The following OSBP2 variants were observed in gnomAD, a reference collection of about 807,000 sequenced individuals.
The protein encoded by OSBP2 is oxysterol-binding protein 2.
A neutral mutation model predicts 96.0 loss-of-function variants in OSBP2; 66 were observed. That is an observed-to-expected ratio of 0.69 (90% confidence interval 0.56 to 0.84). The LOEUF is 0.84. Among genes scored for constraint, OSBP2 ranks in the 40% least tolerant of loss-of-function variants. The pLI is 0.00. For synonymous variants in OSBP2, 525 were observed against 520.9 expected (o/e 1.01, Z -0.11); for missense variants, 1,038 against 1,222.7 (o/e 0.85, Z 2.25).
chr22:30,876,135 C>T (rs772998547), intron 3 of OSBP2, among the ~76,000 whole-genome samples: 1 of 152,250 alleles, frequency 6.6e-6, no homozygotes, highest in Non-Finnish European at 1.5e-5. Context: ...GCCGAGGCAG[C>T]AGACACAGAA....
At chr22:30,825,377 A>G (rs1199829402) in intron 2 of OSBP2, among the ~76,000 whole-genome samples, 2 of 152,156 alleles carry the variant, frequency 1.3e-5, no homozygotes, top group African/African-American at 2.4e-5. Context: ...AATCCCAGCT[A>G]CTCAGGAGGC....
intron 2 of OSBP2, chr22:30,764,108 C>T (rs1271906819): frequency 9.8e-6 from 3 of 306,988 alleles, no homozygotes; most frequent in Non-Finnish European, 1.4e-5. Context: ...TGGGCCTTCA[C>T]TTCTGGGGGG....
chr22:30,769,850 T>C (rs1443128691), intron 2 of OSBP2, among the ~76,000 whole-genome samples: 1 of 152,046 alleles, frequency 6.6e-6, no homozygotes, highest in Non-Finnish European at 1.5e-5. Flanking sequence ...TATACCTCCA[T>C]AGACAGTGAT....
intron 2 of OSBP2, among the ~76,000 whole-genome samples, chr22:30,841,267 A>G (rs574353398): frequency 6.6e-6 from 1 of 152,212 alleles, no homozygotes; most frequent in Non-Finnish European, 1.5e-5. Flanking sequence ...TCAATTTTAG[A>G]ACATTTTTAT....
intron 6 of OSBP2, 71 bp downstream of exon 6, chr22:30,889,305 C>G: frequency 6.7e-7 from 1 of 1,500,348 alleles, no homozygotes; most frequent in Non-Finnish European, 9.2e-7. Context: ...GACAGGCCAG[C>G]ACCAAGAACT....
intron 2 of OSBP2, chr22:30,822,418 C>A: frequency 2.1e-6 from 2 of 947,424 alleles, no homozygotes; most frequent in South Asian, 3.7e-5. Flanking sequence ...GCCGCTCAGG[C>A]TGGGCTCGGC....
chr22:30,696,072 G>A (rs184820194), intron 1 of OSBP2, among the ~76,000 whole-genome samples: 1 of 152,286 alleles, frequency 6.6e-6, no homozygotes, highest in Admixed American at 6.5e-5. Flanking sequence ...GGGCACCACA[G>A]ACTCACAGAT....
chr22:30,786,856 T>C (rs555434304), intron 2 of OSBP2, among the ~76,000 whole-genome samples: 2 of 152,260 alleles, frequency 1.3e-5, no homozygotes, highest in East Asian at 3.9e-4. Context: ...TGGAGTGCAA[T>C]GGTGCAATCT....
intron 2 of OSBP2, among the ~76,000 whole-genome samples, chr22:30,827,810 A>G (rs975056296): frequency 5.9e-5 from 9 of 152,196 alleles, no homozygotes; most frequent in African/African-American, 2.2e-4. Flanking sequence ...GAAAGTGGGA[A>G]GCCCGTGGCC....
At chr22:30,834,258 A>G (rs2038587928) in intron 2 of OSBP2, among the ~76,000 whole-genome samples, 1 of 152,154 alleles carries the variant, frequency 6.6e-6, no homozygotes, top group South Asian at 2.1e-4. Flanking sequence ...CATTTGGGTT[A>G]TTTCTACTTT....
intron 2 of OSBP2, among the ~76,000 whole-genome samples, chr22:30,825,928 G>C (rs1271490255): frequency 6.6e-6 from 1 of 152,138 alleles, no homozygotes; most frequent in Admixed American, 6.5e-5. Flanking sequence ...AACAGGAGGG[G>C]ATCAGGGTGA....
At chr22:30,836,918 A>C (rs1444492824) in intron 2 of OSBP2, among the ~76,000 whole-genome samples, 1 of 152,122 alleles carries the variant, frequency 6.6e-6, no homozygotes, top group Non-Finnish European at 1.5e-5. Flanking sequence ...TTCTCCGTCA[A>C]CTCTTGTTAA....
intron 2 of OSBP2, among the ~76,000 whole-genome samples, chr22:30,867,890 TC>T (rs771361440): frequency 2.8e-4 from 43 of 152,330 alleles, no homozygotes; most frequent in Non-Finnish European, 4.6e-4. Flanking sequence ...CTCAAGGCCC[TC>T]CCCGTGTTGA....
intron 2 of OSBP2, among the ~76,000 whole-genome samples, chr22:30,859,025 G>GC (rs1386728642): frequency 6.6e-6 from 1 of 151,998 alleles, no homozygotes; most frequent in Non-Finnish European, 1.5e-5. Context: ...GGCAGATGCA[G>GC]CCCCTACCCC....
rs545613868 is a variant in OSBP2 at position 30,760,007 on chromosome 22, A to G, written c.853+18638A>G. Among the ~76,000 whole-genome samples, 10 of 152,016 alleles carry G rather than the reference A, an allele frequency of 6.6e-5. No individual in the cohort carries two copies. The South Asian group carries it at 2.1e-3, about 32-fold the overall frequency. Reference sequence around the variant, plus strand: ...CTCCTTAGTAGCTGGGATTACAGGCATGTGCCACCACGCCCAGCTAATTTT... The same window carrying G: ...CTCCTTAGTAGCTGGGATTACAGGCGTGTGCCACCACGCCCAGCTAATTTT... On this transcript the variant is annotated intron_variant, in intron 2 of 13. Coordinates refer to ENST00000332585, the MANE Select transcript of OSBP2 (RefSeq NM_030758.4).
At chr22:30,892,022 C>T (rs1214815096) in intron 8 of OSBP2, among the ~76,000 whole-genome samples, 3 of 152,060 alleles carry the variant, frequency 2.0e-5, no homozygotes, top group Admixed American at 6.5e-5. Context: ...AGCTGGAGGG[C>T]GGTGCACCCC....
chr22:30,840,217 AAAAAG>A (rs922930025), intron 2 of OSBP2, among the ~76,000 whole-genome samples: 14 of 151,990 alleles, frequency 9.2e-5, no homozygotes, highest in Admixed American at 6.5e-5. Flanking sequence ...AATAAAAAAA[AAAAAG>A]AAAGAAACTT....
intron 2 of OSBP2, among the ~76,000 whole-genome samples, chr22:30,843,114 T>A (rs1405540948): frequency 6.6e-6 from 1 of 152,110 alleles, no homozygotes; most frequent in Non-Finnish European, 1.5e-5. Flanking sequence ...AGGCTCCACT[T>A]CTAATTCTGA....
intron 3 of OSBP2, among the ~76,000 whole-genome samples, chr22:30,886,610 A>C (rs1367152683): frequency 6.6e-6 from 1 of 152,210 alleles, no homozygotes; most frequent in Non-Finnish European, 1.5e-5. Context: ...TATGGCAAAG[A>C]AGCATGTTTT....
Sources: allele counts gnomAD v4.1 joint callset (sites outside exome capture counted in the v4.1 genomes callset), GRCh38; gene constraint gnomAD v4.1.1; transcripts MANE v1.5; gene names NCBI Gene and HGNC (gene_info 2026-07-23, HGNC 2026-07-21).